Variants in SEZ6L observed in about 807,000 individuals in gnomAD.
SEZ6L encodes seizure 6-like protein.
A neutral mutation model predicts 106.2 loss-of-function variants in SEZ6L; 37 were observed. The observed-to-expected ratio is 0.35, with a 90% confidence interval of 0.27 to 0.46. SEZ6L has a LOEUF of 0.46. Ranked by LOEUF, SEZ6L falls within the 20% of genes least tolerant of loss-of-function variation. The pLI, the probability that SEZ6L is intolerant of heterozygous loss-of-function variation, is 1.00. For missense variants in SEZ6L, 1,172 were observed against 1,332.8 expected (o/e 0.88, Z 1.88); for synonymous variants, 541 against 570.4 (o/e 0.95, Z 0.73).
intron 1 of SEZ6L, among the ~76,000 whole-genome samples, chr22:26,206,053 C>T (rs904327468): frequency 6.6e-6 from 1 of 152,180 alleles, no homozygotes; most frequent in African/African-American, 2.4e-5. Flanking sequence ...CTTGGCCTCT[C>T]CTATAGAATA....
At chr22:26,335,387 C>G (rs1265869022) in intron 9 of SEZ6L, among the ~76,000 whole-genome samples, 3 of 152,198 alleles carry the variant, frequency 2.0e-5, no homozygotes, top group Non-Finnish European at 4.4e-5. Flanking sequence ...AAGTATCATT[C>G]ATTTTGAAAC....
chr22:26,268,593 A>G (rs976722282), intron 1 of SEZ6L, among the ~76,000 whole-genome samples: 5 of 152,206 alleles, frequency 3.3e-5, no homozygotes, highest in Admixed American at 3.3e-4. Flanking sequence ...ATAAAATCTG[A>G]TAAGATGGAG....
At chr22:26,319,554 C>T (rs2082097392) in intron 9 of SEZ6L, among the ~76,000 whole-genome samples, 1 of 152,192 alleles carries the variant, frequency 6.6e-6, no homozygotes, top group Non-Finnish European at 1.5e-5. Flanking sequence ...ACGCATACCT[C>T]AGGGCCTTTG....
intron 12 of SEZ6L, among the ~76,000 whole-genome samples, chr22:26,351,900 T>G (rs1193569637): frequency 2.6e-5 from 4 of 151,498 alleles, no homozygotes; most frequent in Admixed American, 1.3e-4. Flanking sequence ...GGCTCACACC[T>G]GTAATCCCAG....
At position 26,237,189 on chromosome 22, in the gene SEZ6L, T is replaced by C. The variant is rs193064795; in HGVS notation, c.95-55217T>C. Among the ~76,000 whole-genome samples, 15 of 152,328 alleles carry C rather than the reference T, an allele frequency of 9.8e-5. No homozygotes were observed. In the South Asian group the frequency reaches 1.7e-3, roughly 17 times the overall value. On this transcript the variant is annotated intron_variant, in intron 1 of 16. Coordinates refer to ENST00000248933, the MANE Select transcript of SEZ6L (RefSeq NM_021115.5). ...CAAGGATAATCAAGTTTCTACCTAA[T>C]ATGGTTGTCATGAGAACTATTACGT... is the stretch of plus-strand genomic sequence containing the variant.
chr22:26,173,017 C>G (rs887517661), intron 1 of SEZ6L, among the ~76,000 whole-genome samples: 2 of 152,134 alleles, frequency 1.3e-5, no homozygotes, highest in Non-Finnish European at 2.9e-5. Flanking sequence ...TTAGAGTGAC[C>G]TGGGTCCAGA....
chr22:26,250,656 C>T (rs1394058342), intron 1 of SEZ6L, among the ~76,000 whole-genome samples: 1 of 152,074 alleles, frequency 6.6e-6, no homozygotes, highest in Non-Finnish European at 1.5e-5. Context: ...ATCTTTTGTG[C>T]TTCCATAGGA....
In SEZ6L at chr22:26,264,202, G is replaced by A. The variant is rs550709064; in HGVS notation, c.95-28204G>A. The stretch of plus-strand genomic sequence containing the variant: ...GCAGATTCTGAGGCTGCATTTGCTA[G>A]GGCAAGCACTGCCTGGGAGGATGTG... On this transcript the variant is annotated intron_variant, in intron 1 of 16. Transcript: ENST00000248933. Among the ~76,000 whole-genome samples, 222 of 152,360 alleles carry A rather than the reference G, an allele frequency of 1.5e-3. 3 individuals carry two copies. Among genetic ancestry groups the A allele is most frequent in the South Asian group, 1.9e-3 (9 of 4,834 alleles).
At chr22:26,223,262 A>G (rs2078533431) in intron 1 of SEZ6L, among the ~76,000 whole-genome samples, 1 of 152,188 alleles carries the variant, frequency 6.6e-6, no homozygotes, top group Non-Finnish European at 1.5e-5. Flanking sequence ...CCTGTCAAAG[A>G]TAATGCAGCT....
chr22:26,169,684 G>A lies in SEZ6L; in HGVS notation c.15G>A (p.Arg5=). 2.3e-6 allele frequency: 3 copies of A among 1,313,304 alleles called. No individual in the cohort carries two copies. Among genetic ancestry groups the A allele is most frequent in the Admixed American group, 3.5e-5 (1 of 28,426 alleles). The allele number at this position is 1,313,304 out of a possible 1,614,324, so 81.4% of individuals were successfully genotyped here. A position where few individuals can be genotyped will look rare whatever the true frequency, so the allele number is the denominator to read the frequency against. The change falls in exon 1 of 17, where the codon CGG becomes CGA. Residue 5 remains arginine, a synonymous_variant. Transcript: ENST00000248933. MPAA[R]PPAAGLRGIS... ...CTGCAGCCACGATGCCCGCGGCCCG[G>A]CCGCCCGCCGCGGGACTCCGCGGGA... is the stretch of plus-strand genomic sequence containing the variant.
At chr22:26,254,319 A>G (rs941547418) in intron 1 of SEZ6L, among the ~76,000 whole-genome samples, 1 of 152,072 alleles carries the variant, frequency 6.6e-6, no homozygotes, top group Non-Finnish European at 1.5e-5. Flanking sequence ...CTCATTAACT[A>G]CAGCTAGCAC....
intron 1 of SEZ6L, chr22:26,241,220 T>C (rs1269591758): frequency 6.6e-6 from 1 of 152,222 alleles, no homozygotes; most frequent in Non-Finnish European, 1.5e-5. Context: ...AAGTCCATGC[T>C]AAATATAAGA....
intron 1 of SEZ6L, among the ~76,000 whole-genome samples, chr22:26,203,704 C>G (rs985167221): frequency 6.6e-6 from 1 of 152,132 alleles, no homozygotes; most frequent in African/African-American, 2.4e-5. Flanking sequence ...TTAAAAAAAA[C>G]TGACGTTCAG....
At chr22:26,299,892 G>C (rs545749258) in intron 5 of SEZ6L, among the ~76,000 whole-genome samples, 63 of 152,222 alleles carry the variant, frequency 4.1e-4, no homozygotes, top group African/African-American at 1.4e-3. Flanking sequence ...ACTTTTTGAG[G>C]AACCATCAAA....
intron 1 of SEZ6L, among the ~76,000 whole-genome samples, chr22:26,170,631 G>T (rs1323617939): frequency 1.3e-5 from 2 of 152,118 alleles, no homozygotes; most frequent in East Asian, 1.9e-4. Context: ...AGTTATGGGT[G>T]GGGGAGAGGG....
intron 1 of SEZ6L, among the ~76,000 whole-genome samples, chr22:26,291,581 A>G (rs1404416964): frequency 6.6e-6 from 1 of 152,152 alleles, no homozygotes; most frequent in Non-Finnish European, 1.5e-5. Flanking sequence ...TCCTGCACAT[A>G]GGCCCCAGAA....
rs184889287 is a variant in SEZ6L at position 26,382,485 on chromosome 22, T to A, written c.*2190T>A. 6.5e-6 allele frequency: 1 copy of A among 152,690 alleles called. No homozygotes were observed. Among genetic ancestry groups the A allele is most frequent in the East Asian group, 1.9e-4 (1 of 5,194 alleles). The allele number at this position is 152,690 out of a possible 1,614,324, so 9.5% of individuals were successfully genotyped here. On this transcript the variant is annotated 3_prime_UTR_variant, in exon 17 of 17. Coordinates refer to ENST00000248933, the MANE Select transcript of SEZ6L (RefSeq NM_021115.5). ...CAGGCCACACCCCAGATGTTCTTAT[T>A]GACTATTGGAAAGATAGAAAAGGCG... is the stretch of plus-strand genomic sequence containing the variant.
intron 9 of SEZ6L, among the ~76,000 whole-genome samples, chr22:26,340,223 G>A (rs549671742): frequency 2.0e-5 from 3 of 152,056 alleles, no homozygotes; most frequent in African/African-American, 7.2e-5. Flanking sequence ...GACAGAGTGA[G>A]ACTCTGTCTC....
chr22:26,351,263 T>C lies in SEZ6L; in HGVS notation c.2599+20T>C, dbSNP rs2083268999. ...GCGTTTGTGAGTCCTGTTTAATGAA[T>C]TGGGCCCCCAGTAGGTAGAAGCAGA... On this transcript the variant is annotated intron_variant, in intron 12 of 16. Coordinates refer to ENST00000248933, the MANE Select transcript of SEZ6L (RefSeq NM_021115.5). 6.2e-7 allele frequency: 1 copy of C among 1,609,104 alleles called. No individual in the cohort carries two copies. The highest frequency in any genetic ancestry group is 8.5e-7 in the Non-Finnish European group (1 of 1,176,654).
Sources: allele counts gnomAD v4.1 joint callset (sites outside exome capture counted in the v4.1 genomes callset), GRCh38; gene constraint gnomAD v4.1.1; transcripts MANE v1.5; gene names NCBI Gene and HGNC (gene_info 2026-07-23, HGNC 2026-07-21).